The following CNGA1 variants were observed in gnomAD, a reference collection of about 807,000 sequenced individuals.
The protein encoded by CNGA1 is cyclic nucleotide gated channel subunit alpha 1, also known as cyclic nucleotide-gated channel alpha-1.
A neutral mutation model predicts 69.7 loss-of-function variants in CNGA1; 53 were observed. The ratio of observed to expected loss-of-function variants is 0.76; its 90% CI spans 0.61 to 0.96. The LOEUF (loss-of-function observed/expected upper bound fraction) is 0.96. Among genes scored for constraint, CNGA1 ranks in the 40% least tolerant of loss-of-function variants. CNGA1 has a pLI of 0.00. For missense variants in CNGA1, 739 were observed against 811.2 expected, an observed-to-expected ratio of 0.91 and a Z score of 1.08; for synonymous variants, 249 against 283.5, an observed-to-expected ratio of 0.88 and a Z score of 1.22.
chr4:47,947,131 T>G (rs1174177081), intron 6 of CNGA1, among the ~76,000 whole-genome samples: 1 of 152,138 alleles, frequency 6.6e-6, no homozygotes, highest in Non-Finnish European at 1.5e-5. Flanking sequence ...AAATTTCCAT[T>G]TATTTTCCAC....
chr4:47,971,595 C>A (rs1741041248), intron 3 of CNGA1, among the ~76,000 whole-genome samples: 1 of 152,022 alleles, frequency 6.6e-6, no homozygotes, highest in South Asian at 2.1e-4. Context: ...ATTTAAAGTT[C>A]TTTTAAAAAA....
At chr4:47,999,609 A>T (rs1714568436) in intron 2 of CNGA1, among the ~76,000 whole-genome samples, 1 of 152,180 alleles carries the variant, frequency 6.6e-6, no homozygotes, top group Non-Finnish European at 1.5e-5. Flanking sequence ...AGTAGCTCAC[A>T]CCTGTAATCA....
At chr4:48,004,124 GA>G (rs1714786991) in intron 2 of CNGA1, among the ~76,000 whole-genome samples, 1 of 152,216 alleles carries the variant, frequency 6.6e-6, no homozygotes, top group African/African-American at 2.4e-5. Flanking sequence ...CTGAGAAGCA[GA>G]AATAATAATG....
chr4:47,949,097 C>T (rs1321462131), intron 6 of CNGA1, among the ~76,000 whole-genome samples: 3 of 152,210 alleles, frequency 2.0e-5, no homozygotes, highest in East Asian at 1.9e-4. Flanking sequence ...GGGCAGCACA[C>T]GGTTGGGCCA....
chr4:47,941,303 T>C (rs1000270116), intron 9 of CNGA1, among the ~76,000 whole-genome samples: 1 of 152,010 alleles, frequency 6.6e-6, no homozygotes, highest in Admixed American at 6.6e-5. Flanking sequence ...CCCGATAAAT[T>C]TGTACAAAAA....
At chr4:47,950,151 C>A (rs1739654573) in intron 5 of CNGA1, among the ~76,000 whole-genome samples, 1 of 152,206 alleles carries the variant, frequency 6.6e-6, no homozygotes, top group African/African-American at 2.4e-5. Context: ...TGTCCCCACC[C>A]AAATCTCATC....
chr4:47,936,886 C>T lies in CNGA1; in HGVS notation c.1596G>A (p.Val532=). The T allele has an allele frequency of 1.2e-6, 2 of 1,614,070 alleles. No homozygotes were observed. The highest frequency in any genetic ancestry group is 2.2e-5 in the East Asian group (1 of 44,874). Residue 532 remains valine, a synonymous_variant, in exon 11 of 11, where the codon GTG becomes GTA. Transcript: ENST00000514170. ...VVADDGVTQF[V]VLSDGSYFGE... ...CGAAGTAGCTGCCATCGCTCAATAC[C>T]ACAAACTGAGTGACTCCATCATCTG...
Position 47,937,445 on chromosome 4 carries a change from A to C in CNGA1, c.1037T>G (p.Val346Gly). ...PEFGRLARKY[V>G]YSLYWSTLTL... The stretch of plus-strand genomic sequence containing the variant: ...CAGTGTAGACCAGTAAAGGCTGTAT[A>C]CGTATTTTCTAGCCAAACGGCCAAA... The change falls in exon 11 of 11, where the codon GTA becomes GGA. Residue 346 changes from valine (V) to glycine (G), a missense_variant. By Grantham distance (109) the Val-to-Gly change is moderately radical. Coordinates refer to ENST00000514170, the MANE Select transcript of CNGA1 (RefSeq NM_001379270.1). The C allele has an allele frequency of 6.2e-7, 1 of 1,614,208 alleles. No homozygotes were observed. Among genetic ancestry groups the C allele is most frequent in the Non-Finnish European group, 8.5e-7 (1 of 1,180,028 alleles).
intron 3 of CNGA1, among the ~76,000 whole-genome samples, chr4:47,974,691 A>T (rs554536801): frequency 6.7e-6 from 1 of 148,876 alleles, no homozygotes; most frequent in South Asian, 2.1e-4. Flanking sequence ...CCATCTCAGT[A>T]TTTAATTGCA....
chr4:47,999,270 C>T (rs2109344039), intron 2 of CNGA1, among the ~76,000 whole-genome samples: 1 of 152,324 alleles, frequency 6.6e-6, no homozygotes, highest in South Asian at 2.1e-4. Flanking sequence ...AAATTTGGTA[C>T]TGTCCATGGT....
intron 2 of CNGA1, among the ~76,000 whole-genome samples, chr4:47,985,448 G>A (rs1741936555): frequency 6.6e-6 from 1 of 152,066 alleles, no homozygotes; most frequent in African/African-American, 2.4e-5. Context: ...CGCTCCCATA[G>A]GTAGCCATGA....
At position 48,004,761 on chromosome 4, in the gene CNGA1, T is replaced by C. The variant is rs1268582940; in HGVS notation, c.-123+6033A>G. Among the ~76,000 whole-genome samples the C allele has an allele frequency of 1.1e-4, 17 of 152,176 alleles. 1 individual carries two copies. Among genetic ancestry groups the C allele is most frequent in the Admixed American group, 1.1e-3 (17 of 15,278 alleles). On this transcript the variant is annotated intron_variant, in intron 2 of 10. Coordinates refer to ENST00000514170, the MANE Select transcript of CNGA1 (RefSeq NM_001379270.1). ...ACAGGCAGTAAGTGGCTTATGTATG[T>C]AAATAGGTTGTTGTTATTTTCTTCT...
intron 3 of CNGA1, among the ~76,000 whole-genome samples, chr4:47,965,271 T>A (rs1006214904): frequency 6.6e-6 from 1 of 152,166 alleles, no homozygotes; most frequent in Non-Finnish European, 1.5e-5. Flanking sequence ...GTTGCCAATT[T>A]TTAAAATATT....
chr4:48,014,577 GT>G (rs1715298338), intron 1 of CNGA1, among the ~76,000 whole-genome samples: 1 of 152,144 alleles, frequency 6.6e-6, no homozygotes, highest in Admixed American at 6.5e-5. Flanking sequence ...AGCTTTCTTG[GT>G]TAGCATCTTG....
intron 2 of CNGA1, among the ~76,000 whole-genome samples, chr4:47,990,018 G>C (rs1742185417): frequency 6.7e-6 from 1 of 149,318 alleles, no homozygotes; most frequent in Non-Finnish European, 1.5e-5. Context: ...CTGAGGATGT[G>C]TGTTGCCTCA....
intron 2 of CNGA1, among the ~76,000 whole-genome samples, chr4:47,982,899 G>T (rs1441598920): frequency 6.6e-6 from 1 of 152,112 alleles, no homozygotes; most frequent in Admixed American, 6.5e-5. Context: ...CCATCTCCCA[G>T]GTTCAAGCAA....
Position 47,994,033 on chromosome 4 carries a change from C to A in CNGA1, c.-122-12533G>T, listed in dbSNP as rs1464766516. Among the ~76,000 whole-genome samples the A allele has an allele frequency of 2.0e-5, 3 of 151,996 alleles. No homozygotes were observed. In the East Asian group the frequency reaches 5.8e-4, roughly 29 times the overall value. ...ATTTCCGGTTTTGTTTCACTGTGGT[C>A]TGAGAGTGCCTGATATAATTTCAAT... On this transcript the variant is annotated intron_variant, in intron 2 of 10. Transcript: ENST00000514170.
Position 47,936,947 on chromosome 4 carries a change from A to C in CNGA1, c.1535T>G (p.Met512Arg), listed in dbSNP as rs761947277. The C allele has an allele frequency of 2.9e-5, 46 of 1,613,762 alleles. No individual in the cohort carries two copies. Among genetic ancestry groups the C allele is most frequent in the African/African-American group, 5.3e-5 (4 of 74,882 alleles). The stretch of plus-strand genomic sequence containing the variant: ...GAGTTTGCCTTCCTTGATAATGTAC[A>C]TCTCTCGTCCGATATCCCCTTTCTT... Reference protein sequence around the residue: ...ICKKGDIGREMYIIKEGKLAV... With the variant: ...ICKKGDIGRERYIIKEGKLAV... Residue 512 changes from methionine (M) to arginine (R), a missense_variant, in exon 11 of 11, where the codon ATG (methionine) becomes AGG (arginine). Coordinates refer to ENST00000514170, the MANE Select transcript of CNGA1 (RefSeq NM_001379270.1).
intron 3 of CNGA1, among the ~76,000 whole-genome samples, chr4:47,978,612 T>C (rs1425652926): frequency 6.6e-6 from 1 of 152,146 alleles, no homozygotes; most frequent in Non-Finnish European, 1.5e-5. Context: ...GTTTTCTGGA[T>C]AAACAATCAT....
Sources: allele counts gnomAD v4.1 joint callset (sites outside exome capture counted in the v4.1 genomes callset), GRCh38; gene constraint gnomAD v4.1.1; transcripts MANE v1.5; gene names NCBI Gene and HGNC (gene_info 2026-07-23, HGNC 2026-07-21).